The following DDR2 variants were observed in gnomAD, a reference collection of about 807,000 sequenced individuals.
DDR2 encodes the protein discoidin domain-containing receptor 2.
A neutral mutation model predicts 94.9 loss-of-function variants in DDR2; 27 were observed. The ratio of observed to expected loss-of-function variants is 0.28; its 90% CI spans 0.21 to 0.39. DDR2 has a LOEUF of 0.39. DDR2 is among the 10% of genes least tolerant of loss of function. The pLI is 1.00. For synonymous variants in DDR2, 382 were observed against 377.2 expected, an observed-to-expected ratio of 1.01 and a Z score of -0.15; for missense variants, 783 against 1,076.0, an observed-to-expected ratio of 0.73 and a Z score of 3.81.
rs545101901 is a variant in DDR2, at chr1:162,724,602, T to C, written c.82+5457T>C. On this transcript the variant is annotated intron_variant, in intron 3 of 17. Transcript: ENST00000367921. The stretch of plus-strand genomic sequence containing the variant: ...TAATTCACCTACACATATTTCCAAA[T>C]TGGAAACTCATTTTTGTTTCCCTGG... Among the ~76,000 whole-genome samples the C allele has an allele frequency of 5.3e-5, 8 of 152,284 alleles. No homozygotes were observed. In the East Asian group the frequency reaches 1.5e-3, roughly 29 times the overall value.
intron 11 of DDR2, 79 bp downstream of exon 11, chr1:162,767,438 G>A (rs978373649): frequency 3.6e-5 from 56 of 1,568,754 alleles, no homozygotes; most frequent in Non-Finnish European, 4.8e-5. Context: ...GGAGTAAAAG[G>A]CAAATTGCAA....
rs1290561069 is a variant in DDR2 at position 162,652,773 on chromosome 1, TCTGAGTGAGGAAGTGAA to T, written c.-191-2435_-191-2419del. ...CTCCCAAGATTGTACAGCTAGTAAA[TCTGAGTGAGGAAGTGAA>T]CTCAGATGGTCTACAAAACTTTTAG... On this transcript the variant is annotated intron_variant, in intron 1 of 17. Transcript: ENST00000367921. Among the ~76,000 whole-genome samples, 5 of 152,312 alleles carry T rather than the reference TCTGAGTGAGGAAGTGAA, an allele frequency of 3.3e-5. No homozygotes were observed. The East Asian group carries it at 7.7e-4, about 23-fold the overall frequency.
intron 2 of DDR2, among the ~76,000 whole-genome samples, chr1:162,704,357 G>A (rs1376161340): frequency 6.6e-6 from 1 of 152,152 alleles, no homozygotes; most frequent in Admixed American, 6.6e-5. Flanking sequence ...CAGGAAGAGA[G>A]TGTGCATGAA....
intron 2 of DDR2, among the ~76,000 whole-genome samples, chr1:162,690,951 A>T (rs936088750): frequency 1.3e-5 from 2 of 152,136 alleles, no homozygotes; most frequent in Admixed American, 1.3e-4. Context: ...TTCTTTCACC[A>T]AGTTTTGGCT....
In DDR2 at chr1:162,775,280, T is replaced by A. The variant is rs560004231; in HGVS notation, c.1857-372T>A. Among the ~76,000 whole-genome samples, 3 of 151,520 alleles carry A rather than the reference T, an allele frequency of 2.0e-5. No individual in the cohort carries two copies. The South Asian group carries it at 6.2e-4, about 32-fold the overall frequency. ...TTTAAAAAAAAAAAGGTAAATATCC[T>A]CGTGCACTTAAGATATGATTTTCAG... On this transcript the variant is annotated intron_variant, in intron 14 of 17. Coordinates refer to ENST00000367921, the MANE Select transcript of DDR2 (RefSeq NM_006182.4).
At chr1:162,635,683 G>C (rs1351913631) in intron 1 of DDR2, among the ~76,000 whole-genome samples, 1 of 152,180 alleles carries the variant, frequency 6.6e-6, no homozygotes, top group Non-Finnish European at 1.5e-5. Flanking sequence ...GGGCTTCTCT[G>C]AATGCAGCAA....
Position 162,761,206 on chromosome 1 carries a change from A to G in DDR2, c.856-5A>G. 1.2e-6 allele frequency: 2 copies of G among 1,614,046 alleles called. No individual in the cohort carries two copies. The highest frequency in any genetic ancestry group is 1.7e-6 in the Non-Finnish European group (2 of 1,180,000). Reference sequence around the variant, plus strand: ...CTATCACTCACATGCCTCTTTCTCTACCAGGTCCACTGCAACAACATGTTT... The same window carrying G: ...CTATCACTCACATGCCTCTTTCTCTGCCAGGTCCACTGCAACAACATGTTT... On this transcript the variant is annotated splice_region_variant and splice_polypyrimidine_tract_variant and intron_variant, in intron 8 of 17. Transcript: ENST00000367921.
intron 3 of DDR2, among the ~76,000 whole-genome samples, chr1:162,735,656 A>G (rs1014055657): frequency 1.3e-5 from 2 of 152,212 alleles, no homozygotes; most frequent in African/African-American, 4.8e-5. Flanking sequence ...ACCACATAGC[A>G]GAGTATCCTA....
intron 2 of DDR2, among the ~76,000 whole-genome samples, chr1:162,677,016 C>T (rs1659161552): frequency 6.6e-6 from 1 of 152,092 alleles, no homozygotes; most frequent in South Asian, 2.1e-4. Flanking sequence ...TTCCTCTGTG[C>T]TCACGGGGTT....
intron 2 of DDR2, among the ~76,000 whole-genome samples, chr1:162,691,456 T>C (rs185228316): frequency 2.0e-5 from 3 of 152,338 alleles, no homozygotes; most frequent in Middle Eastern, 3.4e-3. Flanking sequence ...ATTCTCATAA[T>C]GATTGTTCAA....
chr1:162,777,226 A>G (rs1250278511), intron 16 of DDR2, among the ~76,000 whole-genome samples: 1 of 152,064 alleles, frequency 6.6e-6, no homozygotes, highest in Non-Finnish European at 1.5e-5. Context: ...TTCTATACAT[A>G]TATTTTTTCT....
chr1:162,657,301 G>A (rs905217160), intron 2 of DDR2, among the ~76,000 whole-genome samples: 1 of 152,168 alleles, frequency 6.6e-6, no homozygotes, highest in Non-Finnish European at 1.5e-5. Flanking sequence ...TCCAGGAAGA[G>A]TCCTTCTGGT....
At chr1:162,635,607 T>A (rs1442412839) in intron 1 of DDR2, among the ~76,000 whole-genome samples, 1 of 152,198 alleles carries the variant, frequency 6.6e-6, no homozygotes, top group Admixed American at 6.5e-5. Context: ...ACATATGAAT[T>A]GATCGACTCT....
rs115128496 is a variant in DDR2 at position 162,781,083 on chromosome 1, G to A, written c.*837G>A. ...CATTTATTTGTGATTTTGTAAGAGG[G>A]TTCTCTTCTTTGTCTTGTTCAGATA... On this transcript the variant is annotated 3_prime_UTR_variant, in exon 18 of 18. Coordinates refer to ENST00000367921, the MANE Select transcript of DDR2 (RefSeq NM_006182.4). 6.6e-6 allele frequency: 1 copy of A among 152,170 alleles called. No homozygotes were observed. The highest frequency in any genetic ancestry group is 1.5e-5 in the Non-Finnish European group (1 of 68,030). The allele number at this position is 152,170 out of a possible 1,614,324, so 9.4% of individuals were successfully genotyped here.
chr1:162,747,476 G>A (rs1280425446), intron 3 of DDR2, among the ~76,000 whole-genome samples: 2 of 151,730 alleles, frequency 1.3e-5, no homozygotes, highest in Non-Finnish European at 2.9e-5. Context: ...AATGAACAAA[G>A]CCTCCAAGAA....
chr1:162,691,354 A>G (rs1396197047), intron 2 of DDR2, among the ~76,000 whole-genome samples: 3 of 152,158 alleles, frequency 2.0e-5, no homozygotes, highest in Non-Finnish European at 2.9e-5. Flanking sequence ...TTGCCTCACA[A>G]ATGCCCTTGA....
At chr1:162,734,541 G>C (rs1472967384) in intron 3 of DDR2, among the ~76,000 whole-genome samples, 2 of 152,162 alleles carry the variant, frequency 1.3e-5, no homozygotes, top group African/African-American at 4.8e-5. Flanking sequence ...TTTGTTATAA[G>C]AGCATATAAT....
intron 3 of DDR2, among the ~76,000 whole-genome samples, chr1:162,748,402 G>T (rs1558062254): frequency 6.6e-6 from 1 of 152,204 alleles, no homozygotes; most frequent in Non-Finnish European, 1.5e-5. Flanking sequence ...AAGAGACAAA[G>T]AAGGCCATTA....
At chr1:162,726,893 T>A (rs1273386426) in intron 3 of DDR2, among the ~76,000 whole-genome samples, 2 of 151,498 alleles carry the variant, frequency 1.3e-5, no homozygotes, top group Admixed American at 6.7e-5. Flanking sequence ...AATGTTTTGT[T>A]CTGAAAGCTG....
Sources: allele counts gnomAD v4.1 joint callset (sites outside exome capture counted in the v4.1 genomes callset), GRCh38; gene constraint gnomAD v4.1.1; transcripts MANE v1.5; gene names NCBI Gene and HGNC (gene_info 2026-07-23, HGNC 2026-07-21).